The following CYP2U1 variants were observed in gnomAD, a reference collection of about 807,000 sequenced individuals.
CYP2U1 encodes cytochrome P450 2U1.
CYP2U1 carries 28 observed loss-of-function variants against 42.8 expected under a neutral mutation model. The ratio of observed to expected loss-of-function variants is 0.65; its 90% CI spans 0.48 to 0.90. CYP2U1 has a LOEUF of 0.90. CYP2U1 is among the 40% of genes least tolerant of loss of function. The pLI is 0.00. For missense variants in CYP2U1, 642 were observed against 693.8 expected, an observed-to-expected ratio of 0.93 and a Z score of 0.84; for synonymous variants, 296 against 278.9, an observed-to-expected ratio of 1.06 and a Z score of -0.61.
chr4:107,942,189 G>A (rs1733518859), intron 1 of CYP2U1, among the ~76,000 whole-genome samples: 1 of 152,162 alleles, frequency 6.6e-6, no homozygotes, highest in South Asian at 2.1e-4. Context: ...GCCACATCCA[G>A]AGACAAACAG....
At chr4:107,950,124 C>T (rs759301128) in intron 4 of CYP2U1, 121 bp from the exon 5 acceptor site, 1 of 1,024,296 alleles carries the variant, frequency 9.8e-7, no homozygotes, top group Non-Finnish European at 1.4e-6. Flanking sequence ...GGCAATTTGA[C>T]TTAAAAACTC....
chr4:107,944,641 T>C (rs938693459), intron 1 of CYP2U1, among the ~76,000 whole-genome samples: 1 of 151,452 alleles, frequency 6.6e-6, no homozygotes, highest in Non-Finnish European at 1.5e-5. Flanking sequence ...TTCACTCTTA[T>C]GAAATATAAT....
intron 3 of CYP2U1, among the ~76,000 whole-genome samples, chr4:107,947,989 C>T (rs923029302): frequency 2.0e-5 from 3 of 151,994 alleles, no homozygotes; most frequent in Non-Finnish European, 2.9e-5. Context: ...ATTAGAAGGC[C>T]GGGTGTGGTG....
chr4:107,937,619 C>T (rs1441377666), intron 1 of CYP2U1: 2 of 152,058 alleles, frequency 1.3e-5, no homozygotes, highest in African/African-American at 4.8e-5. Flanking sequence ...TGCCATTCTC[C>T]TGCCTCAGAC....
At chr4:107,945,904 A>G (rs1193014409) in intron 2 of CYP2U1, among the ~76,000 whole-genome samples, 1 of 152,210 alleles carries the variant, frequency 6.6e-6, no homozygotes, top group Non-Finnish European at 1.5e-5. Context: ...GGGAATCATA[A>G]TGCTGATCTG....
chr4:107,949,069 A>C (rs1458796341), intron 3 of CYP2U1, among the ~76,000 whole-genome samples: 1 of 151,790 alleles, frequency 6.6e-6, no homozygotes, highest in African/African-American at 2.4e-5. Context: ...TTTCTGTTTT[A>C]GTGTTTTCTC....
chr4:107,940,013 T>G (rs1218513889), intron 1 of CYP2U1: 1 of 151,882 alleles, frequency 6.6e-6, no homozygotes, highest in African/African-American at 2.4e-5. Context: ...GACCTTAGCA[T>G]AGAAAATGTT....
At chr4:107,932,185 C>T (rs1463945421) in intron 1 of CYP2U1, 52 bp downstream of exon 1, 6 of 1,551,122 alleles carry the variant, frequency 3.9e-6, no homozygotes, top group Non-Finnish European at 3.5e-6. Context: ...GATGAGTCTC[C>T]AGGTGCGTGG....
intron 2 of CYP2U1, among the ~76,000 whole-genome samples, chr4:107,946,803 T>C (rs1004738373): frequency 6.6e-6 from 1 of 151,964 alleles, no homozygotes; most frequent in African/African-American, 2.4e-5. Flanking sequence ...ATTGGCCAAG[T>C]TCCTTACCAC....
At chr4:107,942,784 C>G (rs1389125812) in intron 1 of CYP2U1, among the ~76,000 whole-genome samples, 1 of 152,018 alleles carries the variant, frequency 6.6e-6, no homozygotes, top group African/African-American at 2.4e-5. Flanking sequence ...ATACCTAACA[C>G]AAATATAAAT....
intron 3 of CYP2U1, among the ~76,000 whole-genome samples, chr4:107,948,924 T>TATTACCA (rs1733811100): frequency 6.6e-6 from 1 of 152,186 alleles, no homozygotes; most frequent in South Asian, 2.1e-4. Flanking sequence ...CAGGGTTGGC[T>TATTACCA]ACCCTGTATA....
At chr4:107,947,193 C>T (rs916228530) in intron 2 of CYP2U1, among the ~76,000 whole-genome samples, 183 bp from the exon 3 acceptor site, 9 of 152,126 alleles carry the variant, frequency 5.9e-5, no homozygotes, top group African/African-American at 1.9e-4. Flanking sequence ...GGCACAGGCA[C>T]CCTGGGGCTA....
chr4:107,934,025 G>C (rs1733156087), intron 1 of CYP2U1, among the ~76,000 whole-genome samples: 1 of 152,080 alleles, frequency 6.6e-6, no homozygotes, highest in Non-Finnish European at 1.5e-5. Flanking sequence ...AAATAGAAGG[G>C]GGCAAATATC....
At chr4:107,934,292 T>C (rs1030147182) in intron 1 of CYP2U1, among the ~76,000 whole-genome samples, 13 of 152,124 alleles carry the variant, frequency 8.5e-5, no homozygotes, top group Non-Finnish European at 1.6e-4. Context: ...TATGATACCA[T>C]TGTTTCATTT....
chr4:107,932,655 G>A (rs1733065531), intron 1 of CYP2U1, among the ~76,000 whole-genome samples: 1 of 152,180 alleles, frequency 6.6e-6, no homozygotes, highest in Admixed American at 6.5e-5. Context: ...TCCTGCGTAT[G>A]GGAGTCTAAA....
chr4:107,949,828 T>G (rs1312701998), intron 4 of CYP2U1, among the ~76,000 whole-genome samples: 2 of 152,202 alleles, frequency 1.3e-5, no homozygotes, highest in Non-Finnish European at 2.9e-5. Context: ...TTCTCTAATC[T>G]CAACAGTTCC....
At chr4:107,946,410 A>G (rs1323843264) in intron 2 of CYP2U1, among the ~76,000 whole-genome samples, 4 of 152,138 alleles carry the variant, frequency 2.6e-5, no homozygotes. Flanking sequence ...GGGCACACCC[A>G]GGTGACCAAG....
In CYP2U1 at chr4:107,932,030, C is replaced by T. The variant is rs577594501; in HGVS notation, c.387C>T (p.Val129=). The change falls in exon 1 of 5, where the codon GTC becomes GTT. Residue 129 remains valine (V), a synonymous_variant. Coordinates refer to ENST00000332884, the MANE Select transcript of CYP2U1 (RefSeq NM_183075.3). ...SFFIGHYLVV[V]LSDFHSVREA... ...TTATCGGCCACTACCTGGTGGTGGT[C>T]CTCAGCGACTTCCACAGCGTGCGCG... 3.2e-6 allele frequency: 5 copies of T among 1,567,436 alleles called. No homozygotes were observed. In the East Asian group the frequency reaches 9.6e-5, roughly 30 times the overall value.
intron 2 of CYP2U1, 38 bp downstream of exon 2, chr4:107,945,643 A>C (rs1390788983): frequency 2.6e-6 from 4 of 1,523,464 alleles, no homozygotes; most frequent in African/African-American, 2.8e-5. Context: ...TGGCAAAACC[A>C]GGTAATTTAA....
Sources: allele counts gnomAD v4.1 joint callset (sites outside exome capture counted in the v4.1 genomes callset), GRCh38; gene constraint gnomAD v4.1.1; transcripts MANE v1.5; gene names NCBI Gene and HGNC (gene_info 2026-07-23, HGNC 2026-07-21).